Variants in FRAS1 observed in about 807,000 individuals in gnomAD.
FRAS1 encodes the protein extracellular matrix organizing protein FRAS1.
FRAS1 carries 290 observed loss-of-function variants against 435.2 expected under a neutral mutation model. The ratio of observed to expected loss-of-function variants is 0.67; its 90% CI spans 0.61 to 0.73. The LOEUF (loss-of-function observed/expected upper bound fraction) is 0.73. Ranked by LOEUF, FRAS1 falls within the 30% of genes least tolerant of loss-of-function variation. The pLI is 0.00. For missense variants in FRAS1, 4,860 were observed against 5,001.5 expected, an observed-to-expected ratio of 0.97 and a Z score of 0.85; for synonymous variants, 1,800 against 1,851.0, an observed-to-expected ratio of 0.97 and a Z score of 0.71.
intron 2 of FRAS1, among the ~76,000 whole-genome samples, chr4:78,121,085 C>T (rs577395586): frequency 3.3e-5 from 5 of 152,302 alleles, no homozygotes; most frequent in African/African-American, 7.2e-5. Flanking sequence ...AATGCAGTGA[C>T]AGTTCAGAAA....
chr4:78,363,643 T>C lies in FRAS1; in HGVS notation c.2553T>C (p.Tyr851=). 1.3e-6 allele frequency: 2 copies of C among 1,596,780 alleles called. No individual in the cohort carries two copies. Among genetic ancestry groups the C allele is most frequent in the Non-Finnish European group, 1.7e-6 (2 of 1,171,716 alleles). ...HCVPDCPSGY[Y]AERGACKKCH... Reference sequence around the variant, plus strand: ...TTCCTGACTGCCCTTCAGGATACTATGCAGAGAGAGGAGCTTGTAAAAGTG... The same window carrying C: ...TTCCTGACTGCCCTTCAGGATACTACGCAGAGAGAGGAGCTTGTAAAAGTG... The change falls in exon 21 of 74, where the codon TAT becomes TAC. Residue 851 remains tyrosine, a synonymous_variant. Transcript: ENST00000512123.
intron 22 of FRAS1, 37 bp from the exon 23 acceptor site, chr4:78,369,801 G>A (rs1337739565): frequency 1.9e-6 from 3 of 1,585,562 alleles, no homozygotes; most frequent in South Asian, 1.2e-5. Flanking sequence ...ATTTGCAATT[G>A]TAATCATCTG....
chr4:78,443,740 A>C (rs545034980), intron 41 of FRAS1, among the ~76,000 whole-genome samples: 1 of 152,376 alleles, frequency 6.6e-6, no homozygotes, highest in South Asian at 2.1e-4. Flanking sequence ...AAAGGATTGG[A>C]GCTTAAAGCT....
intron 31 of FRAS1, among the ~76,000 whole-genome samples, chr4:78,408,476 A>G (rs1733190186): frequency 6.6e-6 from 1 of 152,216 alleles, no homozygotes; most frequent in Admixed American, 6.5e-5. Flanking sequence ...AAATATAAAA[A>G]TACTATATGG....
chr4:78,498,650 AC>A (rs1432994919), intron 60 of FRAS1, among the ~76,000 whole-genome samples: 1 of 152,182 alleles, frequency 6.6e-6, no homozygotes, highest in Non-Finnish European at 1.5e-5. Context: ...AGGGAAAGAA[AC>A]GGAAATAAAT....
intron 2 of FRAS1, among the ~76,000 whole-genome samples, chr4:78,209,399 G>C (rs1358286693): frequency 6.6e-6 from 1 of 152,112 alleles, no homozygotes; most frequent in East Asian, 1.9e-4. Context: ...ACTAGGGGGT[G>C]GCAGGAGAAT....
At chr4:78,323,071 G>T (rs1053237466) in intron 18 of FRAS1, among the ~76,000 whole-genome samples, 14 of 152,180 alleles carry the variant, frequency 9.2e-5, no homozygotes, top group African/African-American at 3.1e-4. Context: ...CTGGTAATAT[G>T]GCGATGGCCA....
At chr4:78,539,226 C>T in intron 72 of FRAS1, 68 bp from the exon 73 acceptor site, 1 of 1,494,816 alleles carries the variant, frequency 6.7e-7, no homozygotes, top group Non-Finnish European at 9.1e-7. Flanking sequence ...TCCTCCCAGT[C>T]ACTGCCACCT....
At chr4:78,153,076 A>G (rs537654327) in intron 2 of FRAS1, among the ~76,000 whole-genome samples, 1 of 152,024 alleles carries the variant, frequency 6.6e-6, no homozygotes, top group African/African-American at 2.4e-5. Context: ...TCCCACCCAT[A>G]CCCATTTTCT....
chr4:78,089,161 C>T (rs149660910), intron 2 of FRAS1, among the ~76,000 whole-genome samples: 7,083 of 151,620 alleles, frequency 0.047, 462 homozygotes, highest in African/African-American at 0.14. Flanking sequence ...CCATCATTCT[C>T]AGCAAACTAT....
At chr4:78,496,992 T>C (rs1279122351) in intron 60 of FRAS1, 31 bp downstream of exon 60, 1 of 1,575,404 alleles carries the variant, frequency 6.3e-7, no homozygotes, top group Non-Finnish European at 8.7e-7. Context: ...TAGTTACTCT[T>C]AGGTTGAGGG....
intron 2 of FRAS1, among the ~76,000 whole-genome samples, chr4:78,116,442 C>T (rs1731807693): frequency 6.6e-6 from 1 of 151,974 alleles, no homozygotes; most frequent in African/African-American, 2.4e-5. Context: ...TTAAAGTTTC[C>T]CATTATTATT....
At chr4:78,524,034 C>A (rs1047882476) in intron 69 of FRAS1, among the ~76,000 whole-genome samples, 2 of 152,204 alleles carry the variant, frequency 1.3e-5, no homozygotes, top group Non-Finnish European at 1.5e-5. Context: ...CAAATACTGA[C>A]CCCTTTGTGA....
At position 78,363,680 on chromosome 4, in the gene FRAS1, G is replaced by A. The variant is rs79624813; in HGVS notation, c.2575+15G>A. On this transcript the variant is annotated intron_variant, in intron 21 of 73. Transcript: ENST00000512123. ...AGCTTGTAAAAGTGAGTAAGTGCTG[G>A]ACTCAGGAGCTGGAGCTGCCACCTG... 7.9e-3 allele frequency: 12,351 copies of A among 1,570,672 alleles called. 857 individuals are homozygous for A. The African/African-American group carries it at 0.14, about 18-fold the overall frequency.
At chr4:78,453,378 T>C (rs1005192217) in intron 47 of FRAS1, among the ~76,000 whole-genome samples, 8 of 152,186 alleles carry the variant, frequency 5.3e-5, no homozygotes, top group Non-Finnish European at 8.8e-5. Context: ...AGAATTCCTG[T>C]ACCTAGTAAG....
At position 78,534,561 on chromosome 4, in the gene FRAS1, A is replaced by C. The variant is rs1239310527; in HGVS notation, c.11038A>C (p.Asn3680His). The C allele has an allele frequency of 1.9e-6, 3 of 1,613,426 alleles. No individual in the cohort carries two copies. The highest frequency in any genetic ancestry group is 2.5e-6 in the Non-Finnish European group (3 of 1,179,592). ...NNEKVFLMDP[N>H]TSDMSLAEMD... The stretch of plus-strand genomic sequence containing the variant: ...TGAGAAGGTGTTCCTAATGGATCCC[A>C]ATACATCTGATATGTCACTAGCAGA... Residue 3680 changes from asparagine (N) to histidine (H), a missense_variant, in exon 71 of 74, where the codon AAT (asparagine) becomes CAT (histidine). By Grantham distance (68) the Asn-to-His change is moderately conservative. Coordinates refer to ENST00000512123, the MANE Select transcript of FRAS1 (RefSeq NM_025074.7).
At chr4:78,250,713 T>TTCTGTCCCA (rs1725491462) in intron 4 of FRAS1, among the ~76,000 whole-genome samples, 1 of 152,192 alleles carries the variant, frequency 6.6e-6, no homozygotes, top group Non-Finnish European at 1.5e-5. Context: ...CATCCCCTGG[T>TTCTGTCCCA]TGAGTGATTC....
chr4:78,064,038 C>A (rs1037009031), intron 1 of FRAS1, among the ~76,000 whole-genome samples: 7 of 151,816 alleles, frequency 4.6e-5, no homozygotes, highest in African/African-American at 1.7e-4. Context: ...ACACATCACA[C>A]ACATACATAT....
chr4:78,120,054 T>C (rs564730382), intron 2 of FRAS1, among the ~76,000 whole-genome samples: 1 of 152,310 alleles, frequency 6.6e-6, no homozygotes, highest in Admixed American at 6.5e-5. Context: ...ATCAGATCTA[T>C]GGGGAGAATT....
Sources: gnomAD v4.1 joint callset for allele counts (sites outside exome capture counted in the v4.1 genomes callset) on GRCh38, gnomAD v4.1.1 for gene constraint, MANE v1.5 for transcripts, NCBI Gene and HGNC (gene_info 2026-07-23, HGNC 2026-07-21) for gene names.